ENTPD1: variants seen among roughly 807,000 people sequenced by gnomAD.
ENTPD1 encodes ectonucleoside triphosphate diphosphohydrolase 1, also known as ATP diphosphohydrolase.
ENTPD1 carries 33 observed loss-of-function variants against 57.0 expected under a neutral mutation model. That is an observed-to-expected ratio of 0.58 (90% CI 0.44 to 0.77). The LOEUF is 0.77. Ranked by LOEUF, ENTPD1 falls within the 30% of genes least tolerant of loss-of-function variation. The pLI, the probability that ENTPD1 is intolerant of heterozygous loss-of-function variation, is 0.00. For synonymous variants in ENTPD1, 202 were observed against 218.8 expected (o/e 0.92, Z 0.68); for missense variants, 501 against 603.4 (o/e 0.83, Z 1.78).
At chr10:95,780,039 C>T (rs1432625071) in intron 1 of ENTPD1, among the ~76,000 whole-genome samples, 1 of 152,160 alleles carries the variant, frequency 6.6e-6, no homozygotes, top group East Asian at 1.9e-4. Context: ...TGCTGTTACC[C>T]ACAGAAATGA....
chr10:95,826,025 A>C (rs534700226), intron 2 of ENTPD1, among the ~76,000 whole-genome samples: 1 of 152,328 alleles, frequency 6.6e-6, no homozygotes, highest in Admixed American at 6.5e-5. Context: ...TGTCTCAAAA[A>C]AAGTAAAATA....
At chr10:95,735,549 T>C (rs1589656315) in intron 1 of ENTPD1, among the ~76,000 whole-genome samples, 1 of 152,294 alleles carries the variant, frequency 6.6e-6, no homozygotes, top group East Asian at 1.9e-4. Flanking sequence ...CAATTGGCTT[T>C]TAAAACCTTT....
chr10:95,728,087 TCTAA>T (rs1256596892), intron 1 of ENTPD1, among the ~76,000 whole-genome samples: 2 of 152,220 alleles, frequency 1.3e-5, no homozygotes, highest in African/African-American at 2.4e-5. Context: ...ATTTAGGCTA[TCTAA>T]CTATTGAATT....
In ENTPD1 at chr10:95,872,168, G is replaced by A. The variant is rs367893429; in HGVS notation, c.*5785G>A. 3 of 985,288 alleles carry A rather than the reference G, an allele frequency of 3.0e-6. No individual in the cohort carries two copies. Among genetic ancestry groups the A allele is most frequent in the East Asian group, 2.3e-4 (2 of 8,832 alleles). 61.0% of individuals were successfully genotyped at this position (985,288 alleles called of 1,614,324 possible). A position where few individuals can be genotyped will look rare whatever the true frequency, so the allele number is the denominator to read the frequency against. On this transcript the variant is annotated 3_prime_UTR_variant, in exon 10 of 10. Transcript: ENST00000371205. ...TTTACCTGGACTGATACCAGGAATGGTGGTGTTGCTTCCAATCTGTTGCTG... is the reference window on the plus strand; with the variant it reads ...TTTACCTGGACTGATACCAGGAATGATGGTGTTGCTTCCAATCTGTTGCTG...
intron 1 of ENTPD1, among the ~76,000 whole-genome samples, chr10:95,735,945 A>G (rs889638688): frequency 6.6e-6 from 1 of 151,200 alleles, no homozygotes; most frequent in African/African-American, 2.4e-5. Flanking sequence ...TGAACAATGA[A>G]TTTGAAAACA....
Position 95,761,590 on chromosome 10 carries a change from A to C in ENTPD1, c.16+5335A>C, listed in dbSNP as rs544898789. On this transcript the variant is annotated intron_variant, in intron 1 of 9. Transcript: ENST00000371205. ...TGCAGGATGATGGGAAGCCTAATTC[A>C]TTTATTCATTCAGCAAATATATGCC... is the stretch of plus-strand genomic sequence containing the variant. 3.3e-5 allele frequency among the ~76,000 whole-genome samples: 5 copies of C among 152,248 alleles called. No homozygotes were observed. In the South Asian group the frequency reaches 6.2e-4, roughly 19 times the overall value.
intron 1 of ENTPD1, among the ~76,000 whole-genome samples, chr10:95,716,308 A>C (rs930517947): frequency 6.6e-6 from 1 of 152,186 alleles, no homozygotes; most frequent in African/African-American, 2.4e-5. Context: ...ACTTTGCTCC[A>C]CTATAGCTCA....
intron 2 of ENTPD1, chr10:95,839,318 G>C: frequency 3.3e-6 from 1 of 302,242 alleles, no homozygotes; most frequent in Admixed American, 4.6e-5. Flanking sequence ...CCAATGTGTA[G>C]ACAAGTTTGG....
At chr10:95,845,167 A>G (rs542328765) in intron 5 of ENTPD1, among the ~76,000 whole-genome samples, 190 bp from the exon 6 acceptor site, 34 of 152,358 alleles carry the variant, frequency 2.2e-4, no homozygotes, top group African/African-American at 7.7e-4. Context: ...TATGTCCGGC[A>G]GTCTGAGCTA....
chr10:95,702,054 A>G, the ENTPD1 span, among the ~76,000 whole-genome samples: 1 of 152,058 alleles, frequency 6.6e-6, no homozygotes, highest in Non-Finnish European at 1.5e-5. Context: ...ATTCATAAAG[A>G]TAATAGAGGA....
At chr10:95,733,359 G>GT (rs1346865335) in intron 1 of ENTPD1, among the ~76,000 whole-genome samples, 8 of 152,106 alleles carry the variant, frequency 5.3e-5, no homozygotes, top group African/African-American at 1.7e-4. Flanking sequence ...ATTTCATATT[G>GT]TTTAAACACA....
At position 95,869,256 on chromosome 10, in the gene ENTPD1, T is replaced by TC; in HGVS notation, c.*2873_*2874insC. On this transcript the variant is annotated 3_prime_UTR_variant, in exon 10 of 10. Coordinates refer to ENST00000371205, the MANE Select transcript of ENTPD1 (RefSeq NM_001776.6). ...GAAGTCATTACTTTTTTTTTTTTTTTTTTTTTTTTTTGAGAGAGAGTCTCA... is the reference window on the plus strand; with the variant it reads ...GAAGTCATTACTTTTTTTTTTTTTTTCTTTTTTTTTTTGAGAGAGAGTCTCA... 1.0e-6 allele frequency: 1 copy of TC among 969,418 alleles called. No homozygotes were observed. The highest frequency in any genetic ancestry group is 1.2e-6 in the Non-Finnish European group (1 of 821,866). 60.1% of individuals were successfully genotyped at this position (969,418 alleles called of 1,614,324 possible).
chr10:95,876,786 C>A lies in ENTPD1; in HGVS notation c.*10403C>A. ...ACTTCACTGATTATCATCATTTAGCCAGTCTTGAAGAAGCAAGTGCTAATT... is the reference window on the plus strand; with the variant it reads ...ACTTCACTGATTATCATCATTTAGCAAGTCTTGAAGAAGCAAGTGCTAATT... On this transcript the variant is annotated 3_prime_UTR_variant, in exon 10 of 10. Transcript: ENST00000371205. 1 of 495,380 alleles carries A rather than the reference C, an allele frequency of 2.0e-6. No homozygotes were observed. Among genetic ancestry groups the A allele is most frequent in the Non-Finnish European group, 2.8e-6 (1 of 354,510 alleles). 30.7% of individuals were successfully genotyped at this position (495,380 alleles called of 1,614,324 possible).
chr10:95,763,465 A>G (rs2098075280), intron 1 of ENTPD1, among the ~76,000 whole-genome samples: 1 of 152,246 alleles, frequency 6.6e-6, no homozygotes. Flanking sequence ...GTAACTAAGC[A>G]TATGATGGGT....
chr10:95,783,679 C>A (rs1015429630), intron 1 of ENTPD1, among the ~76,000 whole-genome samples: 5 of 150,366 alleles, frequency 3.3e-5, no homozygotes, highest in Admixed American at 1.3e-4. Context: ...GGCTAAGTAG[C>A]ATTAGGCCTG....
At position 95,868,035 on chromosome 10, in the gene ENTPD1, G is replaced by T; in HGVS notation, c.*1652G>T. 18 of 985,460 alleles carry T rather than the reference G, an allele frequency of 1.8e-5. No homozygotes were observed. The highest frequency in any genetic ancestry group is 2.2e-5 in the Non-Finnish European group (18 of 829,938). 61.0% of individuals were successfully genotyped at this position (985,460 alleles called of 1,614,324 possible). On this transcript the variant is annotated 3_prime_UTR_variant, in exon 10 of 10. Coordinates refer to ENST00000371205, the MANE Select transcript of ENTPD1 (RefSeq NM_001776.6). The stretch of plus-strand genomic sequence containing the variant: ...AGTTGCCTATACTGTCATCGCTGCT[G>T]TTGGTTGAGCATTTGTGGTGTACCA...
chr10:95,754,820 A>G (rs971616513), upstream of ENTPD1: 1 of 152,268 alleles, frequency 6.6e-6, no homozygotes, highest in Non-Finnish European at 1.5e-5. Flanking sequence ...CAAATTTATT[A>G]AAGTATAAAA....
In ENTPD1 at chr10:95,867,770, C is replaced by T; in HGVS notation, c.*1387C>T. On this transcript the variant is annotated 3_prime_UTR_variant, in exon 10 of 10. Coordinates refer to ENST00000371205, the MANE Select transcript of ENTPD1 (RefSeq NM_001776.6). ...TGTCCCAAGCTCTCCATCTCTAGAT[C>T]TGGGGACTGACTGTTGAGCTGATGG... 1.0e-6 allele frequency: 1 copy of T among 985,444 alleles called. No homozygotes were observed. Among genetic ancestry groups the T allele is most frequent in the Non-Finnish European group, 1.2e-6 (1 of 829,924 alleles). The allele number at this position is 985,444 out of a possible 1,614,324, so 61.0% of individuals were successfully genotyped here.
chr10:95,868,034 TGTTG>T lies in ENTPD1; in HGVS notation c.*1656_*1659del, dbSNP rs1236771281. The T allele has an allele frequency of 6.1e-6, 6 of 985,398 alleles. No individual in the cohort carries two copies. Among genetic ancestry groups the T allele is most frequent in the Non-Finnish European group, 6.0e-6 (5 of 829,962 alleles). 61.0% of individuals were successfully genotyped at this position (985,398 alleles called of 1,614,324 possible). On this transcript the variant is annotated 3_prime_UTR_variant, in exon 10 of 10. Coordinates refer to ENST00000371205, the MANE Select transcript of ENTPD1 (RefSeq NM_001776.6). Reference sequence around the variant, plus strand: ...TAGTTGCCTATACTGTCATCGCTGCTGTTGGTTGAGCATTTGTGGTGTACCACGC... The same window carrying T: ...TAGTTGCCTATACTGTCATCGCTGCTGTTGAGCATTTGTGGTGTACCACGC...
Sources: allele counts gnomAD v4.1 joint callset (sites outside exome capture counted in the v4.1 genomes callset), GRCh38; gene constraint gnomAD v4.1.1; transcripts MANE v1.5; gene names NCBI Gene and HGNC (gene_info 2026-07-23, HGNC 2026-07-21).